RPN2: variants seen among roughly 807,000 people sequenced by gnomAD.
RPN2 encodes ribophorin II, also known as dolichyl-diphosphooligosaccharide--protein glycosyltransferase subunit 2.
In RPN2, 29 loss-of-function variants were observed where a neutral mutation model predicts 71.4. That is an observed-to-expected ratio of 0.41 (90% CI 0.30 to 0.55). RPN2 has a LOEUF of 0.55. Ranked by LOEUF, RPN2 falls within the 20% of genes least tolerant of loss-of-function variation. The pLI is 0.35. For synonymous variants in RPN2, 308 were observed against 305.0 expected (o/e 1.01, Z -0.10); for missense variants, 726 against 774.1 (o/e 0.94, Z 0.74).
intron 9 of RPN2, among the ~76,000 whole-genome samples, chr20:37,222,956 A>G (rs1169647880): frequency 6.6e-6 from 1 of 152,262 alleles, no homozygotes. Context: ...TTGTGCTTAT[A>G]ACAAACTCCC....
chr20:37,182,034 T>G, intron 1 of RPN2, among the ~76,000 whole-genome samples: 1 of 152,146 alleles, frequency 6.6e-6, no homozygotes, highest in Non-Finnish European at 1.5e-5. Flanking sequence ...AGTAGCTCAG[T>G]ATACATTTGA....
At chr20:37,222,572 T>C (rs904112477) in intron 9 of RPN2, among the ~76,000 whole-genome samples, 1 of 152,240 alleles carries the variant, frequency 6.6e-6, no homozygotes, top group African/African-American at 2.4e-5. Flanking sequence ...CACCTCGATA[T>C]GGTATTTCAG....
At chr20:37,211,121 A>T (rs879487017) in intron 8 of RPN2, among the ~76,000 whole-genome samples, 4 of 149,022 alleles carry the variant, frequency 2.7e-5, no homozygotes, top group Admixed American at 2.7e-4. Flanking sequence ...TGCAACCTCC[A>T]CCTCCCGGCT....
chr20:37,187,641 T>C (rs1384358730), intron 2 of RPN2, among the ~76,000 whole-genome samples: 9 of 151,906 alleles, frequency 5.9e-5, no homozygotes, highest in African/African-American at 2.4e-5. Context: ...TTTTATTTTG[T>C]TTTATTTTAT....
At position 37,228,648 on chromosome 20, in the gene RPN2, TGAAA is replaced by T. The variant is rs1568995935; in HGVS notation, c.1405_1408del (p.Lys469LeufsTer14). On this transcript the variant is annotated frameshift_variant, in exon 12 of 17. Transcript: ENST00000237530. LOFTEE classifies it high-confidence loss of function. ...TGTACAAGTTTGAACTGGATACCTC[TGAAA>T]GAAAGATTGAATTTGACTCTGCCTC... The T allele has an allele frequency of 1.2e-6, 2 of 1,614,116 alleles. No homozygotes were observed. The highest frequency in any genetic ancestry group is 8.5e-7 in the Non-Finnish European group (1 of 1,180,026).
intron 10 of RPN2, among the ~76,000 whole-genome samples, chr20:37,225,436 A>G (rs1055584083): frequency 6.6e-6 from 1 of 152,202 alleles, no homozygotes; most frequent in Non-Finnish European, 1.5e-5. Context: ...GTGAAAGCCC[A>G]GAGGTACAAG....
At chr20:37,238,825 C>T (rs932001087) in intron 16 of RPN2, 20 of 533,824 alleles carry the variant, frequency 3.7e-5, no homozygotes, top group Admixed American at 3.5e-4. Context: ...AAATGACGGT[C>T]CCATGGCAAA....
chr20:37,237,281 A>G (rs932244279), intron 16 of RPN2, among the ~76,000 whole-genome samples: 9 of 152,240 alleles, frequency 5.9e-5, no homozygotes, highest in African/African-American at 1.9e-4. Flanking sequence ...ACATGAGGGC[A>G]GCTTGCTGGC....
chr20:37,191,323 A>G (rs1357205247), intron 2 of RPN2, among the ~76,000 whole-genome samples: 1 of 152,190 alleles, frequency 6.6e-6, no homozygotes, highest in Non-Finnish European at 1.5e-5. Flanking sequence ...CTAAAAATAC[A>G]GAAGTTAGCT....
intron 14 of RPN2, among the ~76,000 whole-genome samples, chr20:37,233,493 T>C (rs1161291008): frequency 6.6e-6 from 1 of 152,246 alleles, no homozygotes; most frequent in East Asian, 1.9e-4. Flanking sequence ...AACAAAAGAA[T>C]TACTGTTTAA....
intron 15 of RPN2, 24 bp from the exon 16 acceptor site, chr20:37,236,556 A>G: frequency 1.2e-6 from 2 of 1,613,572 alleles, no homozygotes; most frequent in Non-Finnish European, 1.7e-6. Flanking sequence ...ATTTAATTGG[A>G]TGTCATGACA....
At chr20:37,229,416 GT>G (rs769782521) in intron 12 of RPN2, among the ~76,000 whole-genome samples, 1 of 152,174 alleles carries the variant, frequency 6.6e-6, no homozygotes, top group Non-Finnish European at 1.5e-5. Context: ...GAGCGGTTGT[GT>G]TTTGCCAGAG....
At chr20:37,235,471 AG>A (rs2068358561) in intron 15 of RPN2, among the ~76,000 whole-genome samples, 1 of 152,160 alleles carries the variant, frequency 6.6e-6, no homozygotes, top group Admixed American at 6.5e-5. Context: ...TGGTAAGGGC[AG>A]GGCCTGGACC....
chr20:37,204,939 G>A (rs769665792), intron 6 of RPN2, 38 bp downstream of exon 6: 2 of 1,613,914 alleles, frequency 1.2e-6, no homozygotes, highest in Non-Finnish European at 1.7e-6. Context: ...AAACCCAAAG[G>A]GGTCATCAGC....
chr20:37,199,062 A>G lies in RPN2; in HGVS notation c.316A>G (p.Asn106Asp). ...AATTCTTTCTTAGATCTCTATTTCA[A>G]ATGAGACCAAAGATCTGCTTCTGGC... ...ALSGCEISIS[N>D]ETKDLLLAAV... is the part of the protein sequence containing the mutation. Residue 106 changes from asparagine to aspartate, a missense_variant, in exon 4 of 17, where the codon AAT (asparagine) becomes GAT (aspartate). Asn to Asp is a conservative substitution (Grantham distance 23). Transcript: ENST00000237530. 3 of 1,613,366 alleles carry G rather than the reference A, an allele frequency of 1.9e-6. No individual in the cohort carries two copies. In the South Asian group the frequency reaches 3.3e-5, roughly 18 times the overall value.
In RPN2 at chr20:37,228,751, G is replaced by A. The variant is rs2068152216; in HGVS notation, c.1494+7G>A. 6.2e-7 allele frequency: 1 copy of A among 1,613,778 alleles called. No homozygotes were observed. Among genetic ancestry groups the A allele is most frequent in the Non-Finnish European group, 8.5e-7 (1 of 1,179,842 alleles). ...CCCAATCCTCTGGAATGTGGTATGTGCCTGAATGTACCCCGACCCAGGTGA... is the reference window on the plus strand; with the variant it reads ...CCCAATCCTCTGGAATGTGGTATGTACCTGAATGTACCCCGACCCAGGTGA... On this transcript the variant is annotated splice_region_variant and intron_variant, in intron 12 of 16. Transcript: ENST00000237530.
chr20:37,179,609 C>T (rs1452578863), intron 1 of RPN2: 5 of 1,057,934 alleles, frequency 4.7e-6, no homozygotes, highest in Non-Finnish European at 5.1e-6. Context: ...TACGGGTCGC[C>T]CCGAGGCTCA....
At chr20:37,208,037 T>A (rs898883237) in intron 7 of RPN2, among the ~76,000 whole-genome samples, 5 of 152,012 alleles carry the variant, frequency 3.3e-5, no homozygotes, top group Admixed American at 3.3e-4. Flanking sequence ...TTTGGGAGAC[T>A]GAAGCAGGCG....
intron 6 of RPN2, 150 bp from the exon 7 acceptor site, chr20:37,207,123 C>T (rs1338704758): frequency 1.6e-5 from 11 of 668,384 alleles, no homozygotes; most frequent in Admixed American, 8.9e-5. Flanking sequence ...AGAATATTTG[C>T]GTTTTCTCCA....
Sources: allele counts gnomAD v4.1 joint callset (sites outside exome capture counted in the v4.1 genomes callset), GRCh38; gene constraint gnomAD v4.1.1; transcripts MANE v1.5; gene names NCBI Gene and HGNC (gene_info 2026-07-23, HGNC 2026-07-21).